The following SLC35F4 variants were observed in gnomAD, a reference collection of about 807,000 sequenced individuals.
The protein encoded by SLC35F4 is solute carrier family 35 member F4.
In SLC35F4, 24 loss-of-function variants were observed where a neutral mutation model predicts 44.2. That is an observed-to-expected ratio of 0.54 (90% CI 0.39 to 0.76). The LOEUF (loss-of-function observed/expected upper bound fraction) is 0.76. SLC35F4 is among the 30% of genes least tolerant of loss of function. The pLI is 0.00. For missense variants in SLC35F4, 562 were observed against 586.1 expected, an observed-to-expected ratio of 0.96 and a Z score of 0.42; for synonymous variants, 238 against 223.6, an observed-to-expected ratio of 1.06 and a Z score of -0.57.
intron 1 of SLC35F4, among the ~76,000 whole-genome samples, chr14:57,603,507 G>T (rs2070960789): frequency 6.6e-6 from 1 of 152,132 alleles, no homozygotes; most frequent in Non-Finnish European, 1.5e-5. Flanking sequence ...GCTTGCTCTT[G>T]GCAATAAGGT....
chr14:57,661,611 G>A (rs2074139531), intron 1 of SLC35F4, among the ~76,000 whole-genome samples: 1 of 152,182 alleles, frequency 6.6e-6, no homozygotes, highest in Non-Finnish European at 1.5e-5. Flanking sequence ...AAGGACTTGA[G>A]TCATAATATC....
chr14:57,708,631 T>A (rs2140392348), intron 1 of SLC35F4, among the ~76,000 whole-genome samples: 1 of 152,100 alleles, frequency 6.6e-6, no homozygotes, highest in East Asian at 1.9e-4. Flanking sequence ...ACAGAGTCGG[T>A]AGGTTTTTCT....
intron 1 of SLC35F4, among the ~76,000 whole-genome samples, chr14:57,678,110 G>A (rs954940475): frequency 3.9e-5 from 6 of 151,958 alleles, no homozygotes; most frequent in East Asian, 3.9e-4. Flanking sequence ...AAAATGTTAA[G>A]GGCAGCAAGA....
intron 1 of SLC35F4, among the ~76,000 whole-genome samples, chr14:57,728,342 C>G (rs1566800854): frequency 6.6e-6 from 1 of 151,374 alleles, no homozygotes; most frequent in Non-Finnish European, 1.5e-5. Context: ...CATTCAGCCA[C>G]TCTATGTCTT....
At chr14:57,854,522 C>A (rs1459649293) in intron 1 of SLC35F4, among the ~76,000 whole-genome samples, 2 of 152,110 alleles carry the variant, frequency 1.3e-5, no homozygotes, top group Non-Finnish European at 2.9e-5. Context: ...CCCGAATTAA[C>A]CCTCAGCCTT....
chr14:57,685,655 A>G (rs138369767), intron 1 of SLC35F4, among the ~76,000 whole-genome samples: 3 of 152,296 alleles, frequency 2.0e-5, no homozygotes, highest in East Asian at 3.9e-4. Flanking sequence ...TTAATTGTTC[A>G]AGGGTAATTA....
chr14:57,733,337 C>T (rs2076387991), intron 1 of SLC35F4, among the ~76,000 whole-genome samples: 1 of 143,212 alleles, frequency 7.0e-6, no homozygotes, highest in Admixed American at 7.2e-5. Flanking sequence ...TACATGTCTG[C>T]TACAAGGAGA....
rs929828293 is a variant in SLC35F4 at position 57,865,631 on chromosome 14, TA to T, written c.103+91del. 57 of 1,082,946 alleles carry T rather than the reference TA, an allele frequency of 5.3e-5. No individual in the cohort carries two copies. In the African/African-American group the frequency reaches 8.7e-4, roughly 17 times the overall value. The allele number at this position is 1,082,946 out of a possible 1,614,324, so 67.1% of individuals were successfully genotyped here. On this transcript the variant is annotated intron_variant, in intron 1 of 7. Transcript: ENST00000556826. ...GCGTCCGCAGGGCTGCAGGTGTCCG[TA>T]CCGCGCGCCCGCCCGTCCGCATCCC...
intron 1 of SLC35F4, among the ~76,000 whole-genome samples, chr14:57,904,729 T>C (rs2141047358): frequency 6.6e-6 from 1 of 152,254 alleles, no homozygotes; most frequent in Middle Eastern, 3.4e-3. Flanking sequence ...ATTTTAAAGA[T>C]GAGGCAAGTG....
chr14:57,959,703 C>T (rs1890306551), intron 1 of SLC35F4, among the ~76,000 whole-genome samples: 1 of 152,048 alleles, frequency 6.6e-6, no homozygotes, highest in Non-Finnish European at 1.5e-5. Flanking sequence ...CCATTGAGCC[C>T]CATTTTCTTT....
chr14:57,965,059 T>C (rs767862959), intron 1 of SLC35F4, among the ~76,000 whole-genome samples: 7 of 151,104 alleles, frequency 4.6e-5, no homozygotes, highest in Non-Finnish European at 8.8e-5. Flanking sequence ...ACTTAGTGTA[T>C]TAGTTTCATA....
intron 1 of SLC35F4, among the ~76,000 whole-genome samples, chr14:57,980,446 G>T (rs1308732086): frequency 6.6e-6 from 1 of 152,092 alleles, no homozygotes; most frequent in Non-Finnish European, 1.5e-5. Context: ...AGCACCTCTG[G>T]GCTGTTAGTG....
At chr14:57,930,084 T>C (rs2141065138) in intron 1 of SLC35F4, among the ~76,000 whole-genome samples, 1 of 152,346 alleles carries the variant, frequency 6.6e-6, no homozygotes. Context: ...CAAAACTCCC[T>C]GTGCAGAACA....
At chr14:57,604,945 C>G (rs2071060565) in intron 1 of SLC35F4, among the ~76,000 whole-genome samples, 2 of 152,104 alleles carry the variant, frequency 1.3e-5, no homozygotes, top group African/African-American at 4.8e-5. Flanking sequence ...TCACCATATA[C>G]AAAAATTAAC....
intron 1 of SLC35F4, among the ~76,000 whole-genome samples, chr14:57,649,500 C>A (rs1300549329): frequency 6.6e-6 from 1 of 152,126 alleles, no homozygotes; most frequent in Non-Finnish European, 1.5e-5. Flanking sequence ...TTACCTTGGG[C>A]ACATGCAGAT....
chr14:57,954,310 A>T (rs1357760196), intron 1 of SLC35F4, among the ~76,000 whole-genome samples: 1 of 152,250 alleles, frequency 6.6e-6, no homozygotes, highest in Admixed American at 6.5e-5. Context: ...CTAAATGCCC[A>T]CAGGAGAAAG....
intron 1 of SLC35F4, among the ~76,000 whole-genome samples, chr14:57,715,849 T>C (rs2075925545): frequency 6.6e-6 from 1 of 151,924 alleles, no homozygotes; most frequent in African/African-American, 2.4e-5. Flanking sequence ...GGCATAGGTA[T>C]ATGCCAAGAT....
chr14:57,921,777 T>C (rs1164604806), intron 1 of SLC35F4, among the ~76,000 whole-genome samples: 3 of 152,188 alleles, frequency 2.0e-5, no homozygotes, highest in African/African-American at 7.2e-5. Context: ...CCCACTACTA[T>C]TTTAGTATGA....
At chr14:57,661,477 A>G (rs2074134466) in intron 1 of SLC35F4, among the ~76,000 whole-genome samples, 1 of 152,140 alleles carries the variant, frequency 6.6e-6, no homozygotes, top group South Asian at 2.1e-4. Context: ...TTCTACTTCC[A>G]TCTTTTATAA....
Sources: gnomAD v4.1 joint callset for allele counts (sites outside exome capture counted in the v4.1 genomes callset) on GRCh38, gnomAD v4.1.1 for gene constraint, MANE v1.5 for transcripts, NCBI Gene and HGNC (gene_info 2026-07-23, HGNC 2026-07-21) for gene names.